Variants in DGKG observed in about 807,000 individuals in gnomAD.
DGKG encodes DAG kinase gamma.
DGKG carries 78 observed loss-of-function variants against 105.3 expected under a neutral mutation model. The observed-to-expected ratio is 0.74, with a 90% CI of 0.62 to 0.89. DGKG has a LOEUF of 0.89. DGKG is among the 40% of genes least tolerant of loss of function. DGKG has a pLI of 0.00. For missense variants in DGKG, 958 were observed against 1,020.1 expected, an observed-to-expected ratio of 0.94 and a Z score of 0.83; for synonymous variants, 346 against 367.1, an observed-to-expected ratio of 0.94 and a Z score of 0.66.
intron 20 of DGKG, among the ~76,000 whole-genome samples, chr3:186,219,494 C>T (rs569384311): frequency 6.6e-6 from 1 of 152,210 alleles, no homozygotes; most frequent in Non-Finnish European, 1.5e-5. Context: ...TTATAAATAG[C>T]TGTTTTTGTA....
intron 21 of DGKG, among the ~76,000 whole-genome samples, chr3:186,193,480 C>G (rs1442001426): frequency 6.6e-6 from 1 of 152,250 alleles, no homozygotes; most frequent in East Asian, 1.9e-4. Context: ...TGAATTCACT[C>G]CCCCTACCTG....
intron 16 of DGKG, among the ~76,000 whole-genome samples, chr3:186,258,746 G>C (rs538785534): frequency 1.3e-5 from 2 of 152,194 alleles, no homozygotes; most frequent in East Asian, 3.9e-4. Context: ...TGACGTATTG[G>C]TGAAGCTCAT....
chr3:186,196,135 T>G (rs1718167725), intron 21 of DGKG, among the ~76,000 whole-genome samples: 1 of 124,704 alleles, frequency 8.0e-6, no homozygotes, highest in East Asian at 3.0e-4. Flanking sequence ...CTCTTTTTCT[T>G]TCTTTTTTTT....
At chr3:186,355,890 A>G (rs147975736) in intron 1 of DGKG, among the ~76,000 whole-genome samples, 20 of 152,306 alleles carry the variant, frequency 1.3e-4, no homozygotes, top group African/African-American at 4.1e-4. Flanking sequence ...CTGGAATGGG[A>G]TGTGGAATGA....
chr3:186,196,402 G>A (rs543624607), intron 21 of DGKG, among the ~76,000 whole-genome samples: 1 of 152,082 alleles, frequency 6.6e-6, no homozygotes, highest in South Asian at 2.1e-4. Flanking sequence ...GCCTCCCAAA[G>A]TTCTGGGATT....
chr3:186,154,057 A>G (rs898128171), intron 24 of DGKG, among the ~76,000 whole-genome samples: 1 of 152,184 alleles, frequency 6.6e-6, no homozygotes, highest in Non-Finnish European at 1.5e-5. Context: ...TGTTCTCGCC[A>G]CTGTACTCCA....
chr3:186,272,884 C>T lies in DGKG; in HGVS notation c.911-541G>A, dbSNP rs112419402. On this transcript the variant is annotated intron_variant, in intron 10 of 24. Coordinates refer to ENST00000265022, the MANE Select transcript of DGKG (RefSeq NM_001346.3). ...CAGGCGTTACAGGCGTGCACCACCA[C>T]GCCCGGCTAATTTTTTGTATTTTTA... Among the ~76,000 whole-genome samples the T allele has an allele frequency of 1.3e-3, 202 of 152,104 alleles. 2 individuals are homozygous for T. In the East Asian group the frequency reaches 0.029, roughly 22 times the overall value.
At chr3:186,183,256 A>G (rs1018696203) in intron 22 of DGKG, among the ~76,000 whole-genome samples, 17 of 152,194 alleles carry the variant, frequency 1.1e-4, no homozygotes, top group African/African-American at 4.1e-4. Flanking sequence ...GACGTAAATT[A>G]TATAAATCCT....
chr3:186,294,361 C>A (rs991914149), intron 5 of DGKG, among the ~76,000 whole-genome samples: 2 of 152,036 alleles, frequency 1.3e-5, no homozygotes, highest in Non-Finnish European at 2.9e-5. Context: ...ATAAAATAAA[C>A]CCTGTCTCTA....
At chr3:186,225,541 G>C (rs1158655213) in intron 20 of DGKG, among the ~76,000 whole-genome samples, 2 of 152,078 alleles carry the variant, frequency 1.3e-5, no homozygotes, top group African/African-American at 4.8e-5. Context: ...TTTAAAATTG[G>C]AAAATTTTAC....
chr3:186,208,367 T>G (rs2108517164), intron 21 of DGKG, among the ~76,000 whole-genome samples: 1 of 151,980 alleles, frequency 6.6e-6, no homozygotes, highest in South Asian at 2.1e-4. Context: ...AATGGAAACC[T>G]TCCCTGCAGT....
intron 14 of DGKG, among the ~76,000 whole-genome samples, chr3:186,263,847 T>C (rs577832521): frequency 6.6e-6 from 1 of 152,234 alleles, no homozygotes; most frequent in African/African-American, 2.4e-5. Flanking sequence ...ACAGCTCTGC[T>C]CCATATTCAA....
At chr3:186,290,474 G>T (rs192211537) in intron 5 of DGKG, among the ~76,000 whole-genome samples, 176 of 152,322 alleles carry the variant, frequency 1.2e-3, no homozygotes, top group Non-Finnish European at 1.7e-3. Flanking sequence ...ACAGAGACCA[G>T]ATTTACCCTC....
intron 24 of DGKG, chr3:186,160,861 T>C: frequency 1.0e-6 from 1 of 985,464 alleles, no homozygotes; most frequent in Non-Finnish European, 1.2e-6. Context: ...GCTCCTGTCC[T>C]AGTGCTAAAG....
chr3:186,342,091 C>T (rs1221550260), intron 1 of DGKG, among the ~76,000 whole-genome samples: 3 of 152,062 alleles, frequency 2.0e-5, no homozygotes, highest in African/African-American at 4.8e-5. Context: ...GGGTGCAGTG[C>T]ACCAGCATGG....
intron 21 of DGKG, among the ~76,000 whole-genome samples, chr3:186,207,872 A>C (rs11712604): frequency 0.029 from 4,449 of 152,222 alleles, 115 homozygotes; most frequent in Admixed American, 0.076. Context: ...CATATTGAAC[A>C]GCTTTTGTGT....
intron 6 of DGKG, among the ~76,000 whole-genome samples, chr3:186,287,027 T>G (rs991707582): frequency 2.5e-5 from 3 of 119,726 alleles, no homozygotes; most frequent in Admixed American, 8.3e-5. Context: ...AGAGCAAAAC[T>G]CCATCTCAAA....
At chr3:186,309,154 A>G (rs1364327313) in intron 2 of DGKG, among the ~76,000 whole-genome samples, 2 of 152,204 alleles carry the variant, frequency 1.3e-5, no homozygotes, top group Non-Finnish European at 2.9e-5. Flanking sequence ...AATTAAGATG[A>G]AAGTGGGGTA....
chr3:186,344,437 A>G (rs567398675), intron 1 of DGKG, among the ~76,000 whole-genome samples: 2 of 152,358 alleles, frequency 1.3e-5, no homozygotes, highest in Admixed American at 1.3e-4. Flanking sequence ...TTGCAGGAAC[A>G]TGGATGCAGG....
Sources: gnomAD v4.1 joint callset for allele counts (sites outside exome capture counted in the v4.1 genomes callset) on GRCh38, gnomAD v4.1.1 for gene constraint, MANE v1.5 for transcripts, NCBI Gene and HGNC (gene_info 2026-07-23, HGNC 2026-07-21) for gene names.